Variants in DGKH observed in about 807,000 individuals in gnomAD.
DGKH encodes the protein DAG kinase eta.
Under a neutral mutation model 159.3 loss-of-function variants are expected in DGKH, and 90 were observed. The ratio of observed to expected loss-of-function variants is 0.57; its 90% CI spans 0.48 to 0.67. The LOEUF (loss-of-function observed/expected upper bound fraction) is 0.67, where lower values mean the gene tolerates loss of function less well. Among genes scored for constraint, DGKH ranks in the 30% least tolerant of loss-of-function variants. DGKH has a pLI of 0.00. For synonymous variants in DGKH, 536 were observed against 553.8 expected (o/e 0.97, Z 0.45); for missense variants, 1,181 against 1,506.1 (o/e 0.78, Z 3.57).
At chr13:42,196,576 G>A (rs567233224) in intron 17 of DGKH, among the ~76,000 whole-genome samples, 1 of 152,286 alleles carries the variant, frequency 6.6e-6, no homozygotes, top group African/African-American at 2.4e-5. Context: ...TAGTCATAAC[G>A]CATAGAGACA....
chr13:42,101,364 T>A (rs1386466149), intron 1 of DGKH, among the ~76,000 whole-genome samples: 1 of 152,224 alleles, frequency 6.6e-6, no homozygotes, highest in Admixed American at 6.5e-5. Context: ...ACCATTTGAT[T>A]TGTTGAAAGC....
chr13:42,207,054 TTTCCTTCC>T (rs760124206), intron 21 of DGKH, among the ~76,000 whole-genome samples: 7 of 66,898 alleles, frequency 1.0e-4, no homozygotes, highest in South Asian at 5.4e-4. Context: ...TCTTTCCTTC[TTTCCTTCC>T]TTCTTTCTTT....
chr13:42,127,822 T>C (rs895197081), intron 2 of DGKH, among the ~76,000 whole-genome samples: 1 of 152,220 alleles, frequency 6.6e-6, no homozygotes, highest in Admixed American at 6.5e-5. Flanking sequence ...CTTTCTTCTT[T>C]CTTTCCAATT....
Position 42,123,056 on chromosome 13 carries a change from A to G in DGKH, c.193-4407A>G, listed in dbSNP as rs772953800. Among the ~76,000 whole-genome samples, 8 of 152,352 alleles carry G rather than the reference A, an allele frequency of 5.3e-5. No homozygotes were observed. In the South Asian group the frequency reaches 6.2e-4, roughly 12 times the overall value. On this transcript the variant is annotated intron_variant, in intron 1 of 29. Coordinates refer to ENST00000337343, the MANE Select transcript of DGKH (RefSeq NM_178009.5). ...AAAGTCAGATTGGATTAGCTTGTAC[A>G]TTCACCATTTGCTACCAAAAAGCCA...
intron 1 of DGKH, among the ~76,000 whole-genome samples, chr13:42,043,446 CCTCCCGT>C (rs1880632083): frequency 6.6e-6 from 1 of 151,758 alleles, no homozygotes; most frequent in Non-Finnish European, 1.5e-5. Context: ...CAGGAGGGAT[CCTCCCGT>C]CTCAGCCTCC....
At chr13:42,175,214 C>G (rs1272077805) in intron 12 of DGKH, among the ~76,000 whole-genome samples, 2 of 151,986 alleles carry the variant, frequency 1.3e-5, no homozygotes, top group African/African-American at 4.8e-5. Flanking sequence ...AACATGGGGC[C>G]GTTTCTTAGA....
chr13:42,221,065 A>C, intron 28 of DGKH, 199 bp from the exon 29 acceptor site: 1 of 591,860 alleles, frequency 1.7e-6, no homozygotes, highest in Non-Finnish European at 2.7e-6. Flanking sequence ...ATGGTTTTGT[A>C]TAGTCGGATC....
intron 1 of DGKH, among the ~76,000 whole-genome samples, chr13:42,089,462 T>A (rs1037028661): frequency 6.6e-6 from 1 of 152,250 alleles, no homozygotes; most frequent in African/African-American, 2.4e-5. Context: ...TCTGGAGGTC[T>A]GAAGTCCAGA....
rs1955246819 is a variant in DGKH at position 42,129,582 on chromosome 13, G to T, written c.334G>T (p.Asp112Tyr). Residue 112 changes from aspartate (D) to tyrosine (Y), a missense_variant, in exon 3 of 30, where the codon GAT becomes TAT. Asp to Tyr is a radical substitution (Grantham distance 160). Coordinates refer to ENST00000337343, the MANE Select transcript of DGKH (RefSeq NM_178009.5). ...GATATTTGATGAAGTTGACCTCTCA[G>T]ATGCTAGTGTAGCTGAAGCAAGCAC... ...SLIFDEVDLS[D>Y]ASVAEASTKN... is the part of the protein sequence containing the mutation. 1 of 1,612,868 alleles carries T rather than the reference G, an allele frequency of 6.2e-7. No homozygotes were observed. The highest frequency in any genetic ancestry group is 1.1e-5 in the South Asian group (1 of 90,750).
At chr13:42,120,825 A>G (rs766792782) in intron 1 of DGKH, among the ~76,000 whole-genome samples, 87 of 152,138 alleles carry the variant, frequency 5.7e-4, no homozygotes, top group African/African-American at 1.2e-3. Flanking sequence ...TTGTGTGTGT[A>G]TGTGCGCACA....
intron 12 of DGKH, among the ~76,000 whole-genome samples, chr13:42,177,552 T>C (rs536350511): frequency 1.3e-5 from 2 of 152,318 alleles, no homozygotes; most frequent in South Asian, 2.1e-4. Flanking sequence ...TTGCATATGT[T>C]CAGCTTTAAG....
chr13:42,238,627 G>A lies in DGKH; in HGVS notation c.*9439G>A, dbSNP rs912176754. 1.3e-5 allele frequency: 2 copies of A among 152,082 alleles called. No homozygotes were observed. The highest frequency in any genetic ancestry group is 4.8e-5 in the African/African-American group (2 of 41,422). 9.4% of individuals were successfully genotyped at this position (152,082 alleles called of 1,614,324 possible). ...TTCTGAATGTTTAATCCAGAGCATG[G>A]ATCACTGACTGCGTTCTCTGACTGT... is the stretch of plus-strand genomic sequence containing the variant. On this transcript the variant is annotated 3_prime_UTR_variant, in exon 30 of 30. Coordinates refer to ENST00000337343, the MANE Select transcript of DGKH (RefSeq NM_178009.5).
At chr13:42,255,050 T>G (rs1284722312) in intron 30 of DGKH, among the ~76,000 whole-genome samples, 1 of 151,966 alleles carries the variant, frequency 6.6e-6, no homozygotes, top group Non-Finnish European at 1.5e-5. Context: ...AATCTATTAT[T>G]TTTGCGTGTT....
At chr13:42,212,151 A>T (rs528323031) in intron 24 of DGKH, among the ~76,000 whole-genome samples, 3 of 152,292 alleles carry the variant, frequency 2.0e-5, no homozygotes, top group Non-Finnish European at 4.4e-5. Context: ...CGGCTAACTC[A>T]CATCTTTCCT....
chr13:42,145,048 A>T (rs1014417336), intron 3 of DGKH, among the ~76,000 whole-genome samples: 3 of 152,212 alleles, frequency 2.0e-5, no homozygotes, highest in African/African-American at 7.2e-5. Context: ...GAGGATTAGC[A>T]ATTTTGATTC....
chr13:42,075,384 A>G (rs940015934), intron 1 of DGKH, among the ~76,000 whole-genome samples: 2 of 152,242 alleles, frequency 1.3e-5, no homozygotes, highest in Non-Finnish European at 2.9e-5. Context: ...TCATCATGAA[A>G]GTGTGTCTCT....
chr13:42,251,699 T>C lies in DGKH; in HGVS notation n.4055-710T>C, dbSNP rs148175614. On this transcript the variant is annotated intron_variant and non_coding_transcript_variant, in intron 29 of 30. Transcript: ENST00000498255. Reference sequence around the variant, plus strand: ...TCTCCACCTCCACTACCACCTCGTATTCACCTGTGAACCTTCTACTCATCC... The same window carrying C: ...TCTCCACCTCCACTACCACCTCGTACTCACCTGTGAACCTTCTACTCATCC... 1.2e-3 allele frequency among the ~76,000 whole-genome samples: 185 copies of C among 152,322 alleles called. 3 individuals are homozygous for C. The highest frequency in any genetic ancestry group is 4.3e-3 in the African/African-American group (177 of 41,574).
intron 1 of DGKH, among the ~76,000 whole-genome samples, chr13:42,071,807 C>T (rs899693192): frequency 5.3e-5 from 8 of 152,176 alleles, no homozygotes; most frequent in African/African-American, 1.9e-4. Flanking sequence ...GCTGTGCTGG[C>T]GGCAGTGGTG....
chr13:42,169,687 C>CT (rs754169959), intron 11 of DGKH, among the ~76,000 whole-genome samples: 20 of 152,166 alleles, frequency 1.3e-4, no homozygotes, highest in Non-Finnish European at 2.2e-4. Context: ...TGTAATTACT[C>CT]TAAGATGGGC....
Sources: allele counts gnomAD v4.1 joint callset (sites outside exome capture counted in the v4.1 genomes callset), GRCh38; gene constraint gnomAD v4.1.1; transcripts MANE v1.5; gene names NCBI Gene and HGNC (gene_info 2026-07-23, HGNC 2026-07-21).